Variants in SLC2A5 observed in about 807,000 individuals in gnomAD.
SLC2A5 encodes the protein solute carrier family 2, facilitated glucose transporter member 5.
A neutral mutation model predicts 50.3 loss-of-function variants in SLC2A5; 56 were observed. The observed-to-expected ratio is 1.11, with a 90% CI of 0.90 to 1.39. SLC2A5 has a LOEUF of 1.39. SLC2A5 is among the 40% of genes most tolerant of loss of function. The probability of loss-of-function intolerance (pLI) is 0.00; values close to 1 mark genes in which losing one functional copy is unlikely to be tolerated. For missense variants in SLC2A5, 566 were observed against 650.1 expected, an observed-to-expected ratio of 0.87 and a Z score of 1.41; for synonymous variants, 269 against 281.9, an observed-to-expected ratio of 0.95 and a Z score of 0.46.
In SLC2A5 at chr1:9,063,796, C is replaced by T. The variant is rs1210300322; in HGVS notation, c.34-5546G>A. On this transcript the variant is annotated intron_variant, in intron 1 of 11. Coordinates refer to ENST00000377424, the MANE Select transcript of SLC2A5 (RefSeq NM_003039.3). ...CTGCAAGCTCCGCCTCCCGGGTTCACGCCATTCTCCTGCCTCAGCCTCCCG... is the reference window on the plus strand; with the variant it reads ...CTGCAAGCTCCGCCTCCCGGGTTCATGCCATTCTCCTGCCTCAGCCTCCCG... 1.4e-4 allele frequency among the ~76,000 whole-genome samples: 19 copies of T among 134,076 alleles called. 1 individual carries two copies. Among genetic ancestry groups the T allele is most frequent in the African/African-American group, 5.4e-4 (18 of 33,256 alleles). The allele number at this position is 134,076 out of a possible 152,430, so 88.0% of individuals were successfully genotyped here.
At chr1:9,068,952 CT>C (rs1258217359) in intron 1 of SLC2A5, among the ~76,000 whole-genome samples, 2 of 152,184 alleles carry the variant, frequency 1.3e-5, no homozygotes, top group African/African-American at 4.8e-5. Flanking sequence ...AGAAAGTAAA[CT>C]GCAATTACGT....
chr1:9,054,429 A>G (rs963924549), intron 3 of SLC2A5, among the ~76,000 whole-genome samples: 1 of 152,210 alleles, frequency 6.6e-6, no homozygotes, highest in Non-Finnish European at 1.5e-5. Flanking sequence ...GCCAGTCAGA[A>G]TCTTTCTTCC....
chr1:9,090,416 A>C (rs185241881), upstream of SLC2A5, among the ~76,000 whole-genome samples: 1 of 152,136 alleles, frequency 6.6e-6, no homozygotes, highest in Admixed American at 6.5e-5. Flanking sequence ...GATTACGGGG[A>C]CTCAAGCCCA....
intron 1 of SLC2A5, among the ~76,000 whole-genome samples, chr1:9,059,132 CTTTCTTTTTTTT>C (rs1344858460): frequency 0.013 from 1,011 of 80,356 alleles, 23 homozygotes; most frequent in African/African-American, 0.053. Flanking sequence ...AGCCGCCTTT[CTTTCTTTTTTTT>C]TTTTTTTTTT....
chr1:9,068,189 C>CAAAAAAAAAAAAA lies in SLC2A5; in HGVS notation c.33+1302_33+1314dup, dbSNP rs755203801. Among the ~76,000 whole-genome samples the CAAAAAAAAAAAAA allele has an allele frequency of 1.3e-3, 104 of 77,068 alleles. 3 individuals are homozygous for CAAAAAAAAAAAAA. Among genetic ancestry groups the CAAAAAAAAAAAAA allele is most frequent in the African/African-American group, 4.7e-3 (97 of 20,480 alleles). 50.6% of individuals were successfully genotyped at this position (77,068 alleles called of 152,430 possible). ...TGGGTGACAGAGCAAGACTCTGTGT[C>CAAAAAAAAAAAAA]AAAAAAAAAAAAAAAAAAAAGCGAG... On this transcript the variant is annotated intron_variant, in intron 1 of 11. Transcript: ENST00000377424.
At chr1:9,042,530 G>GGTGT (rs141094729) in intron 4 of SLC2A5, among the ~76,000 whole-genome samples, 75 of 147,168 alleles carry the variant, frequency 5.1e-4, no homozygotes, top group African/African-American at 1.8e-3. Context: ...GACATGGCCT[G>GGTGT]GTGTGTGTGT....
intron 1 of SLC2A5, among the ~76,000 whole-genome samples, chr1:9,087,911 T>G (rs758067049): frequency 1.4e-4 from 22 of 152,110 alleles, no homozygotes; most frequent in Non-Finnish European, 2.4e-4. Flanking sequence ...AACTGGAACA[T>G]CCAACATTTG....
chr1:9,076,883 G>C (rs1642289437), intron 2 of SLC2A5, among the ~76,000 whole-genome samples: 1 of 151,278 alleles, frequency 6.6e-6, no homozygotes, highest in Admixed American at 6.6e-5. Flanking sequence ...TCCGTCTCCC[G>C]GGTTCAAGCG....
chr1:9,090,152 CA>C (rs1642447939), upstream of SLC2A5, among the ~76,000 whole-genome samples: 1 of 152,124 alleles, frequency 6.6e-6, no homozygotes, highest in South Asian at 2.1e-4. Flanking sequence ...ACATTCTACA[CA>C]AACTAGGGGG....
At chr1:9,060,013 C>A (rs1247896032) in intron 1 of SLC2A5, among the ~76,000 whole-genome samples, 1 of 127,558 alleles carries the variant, frequency 7.8e-6, no homozygotes, top group Admixed American at 8.1e-5. Flanking sequence ...CACACACACA[C>A]TACACACACA....
chr1:9,078,106 G>A (rs1048752184), intron 2 of SLC2A5, among the ~76,000 whole-genome samples: 2 of 152,132 alleles, frequency 1.3e-5, no homozygotes, highest in Non-Finnish European at 2.9e-5. Context: ...GGCTCCTCCC[G>A]CTTTTAGGCC....
chr1:9,070,072 G>GTTTTTTTTTTTTTTT (rs56828280), upstream of SLC2A5, among the ~76,000 whole-genome samples: 10 of 62,516 alleles, frequency 1.6e-4, 2 homozygotes, highest in African/African-American at 8.8e-4. Context: ...CTCATTTTCT[G>GTTTTTTTTTTTTTTT]TTTTTTTTTT....
chr1:9,082,105 G>A (rs1642361874), intron 2 of SLC2A5, among the ~76,000 whole-genome samples: 1 of 152,036 alleles, frequency 6.6e-6, no homozygotes, highest in Non-Finnish European at 1.5e-5. Flanking sequence ...TAAAACGAAT[G>A]TTGTTTAGAA....
chr1:9,092,996 T>G (rs940193362), upstream of SLC2A5, among the ~76,000 whole-genome samples: 2 of 152,164 alleles, frequency 1.3e-5, no homozygotes, highest in Non-Finnish European at 2.9e-5. Context: ...TTTGTACTCA[T>G]GTATAGGAGA....
rs537572078 is a variant in SLC2A5, at chr1:9,075,940, C to T, written c.-58-6346G>A. Among the ~76,000 whole-genome samples the T allele has an allele frequency of 2.0e-5, 3 of 151,258 alleles. No individual in the cohort carries two copies. In the East Asian group the frequency reaches 5.8e-4, roughly 29 times the overall value. ...CCTCCCAAAGTGCTGGGATTACAGG[C>T]GTGAGCCACCGCGCCCGGCATTTTT... On this transcript the variant is annotated intron_variant, in intron 2 of 5. Coordinates refer to the SLC2A5 transcript ENST00000464985.
intron 2 of SLC2A5, among the ~76,000 whole-genome samples, chr1:9,084,725 C>T (rs950818356): frequency 6.6e-6 from 1 of 152,218 alleles, no homozygotes; most frequent in Non-Finnish European, 1.5e-5. Context: ...GGCAGCCACA[C>T]CATGTGAGCA....
intron 1 of SLC2A5, among the ~76,000 whole-genome samples, chr1:9,086,485 T>C (rs1315032400): frequency 6.6e-6 from 1 of 151,780 alleles, no homozygotes; most frequent in Non-Finnish European, 1.5e-5. Context: ...GCCTCCCAGG[T>C]TCAAGTGATT....
In SLC2A5 at chr1:9,037,727, G is replaced by A; in HGVS notation, c.1365C>T (p.Tyr455=). ...TGGTCTCCGGGACAATCAAGAAGAT[G>A]TAGATGGTGGTGAGGAGGCAGATCA... ...FAVICLLTTI[Y]IFLIVPETKA... Residue 455 remains tyrosine (Y), a synonymous_variant, in exon 12 of 12, where the codon TAC becomes TAT. Coordinates refer to ENST00000377424, the MANE Select transcript of SLC2A5 (RefSeq NM_003039.3). 3.7e-6 allele frequency: 6 copies of A among 1,614,198 alleles called. No individual in the cohort carries two copies. Among genetic ancestry groups the A allele is most frequent in the Admixed American group, 1.7e-5 (1 of 60,032 alleles).
At position 9,040,155 on chromosome 1, in the gene SLC2A5, G is replaced by T; in HGVS notation, c.606C>A (p.Pro202=). Residue 202 remains proline, a synonymous_variant, in exon 6 of 12, where the codon CCC becomes CCA. Coordinates refer to ENST00000377424, the MANE Select transcript of SLC2A5 (RefSeq NM_003039.3). The surrounding 1 kb of genome is among the most constrained non-coding windows in gnomAD (Gnocchi z 4.3). Reference sequence around the variant, plus strand: ...GCAGCAGAAGGAGCTGCAGCGCCGCGGGGACCCCGGTCAGCCCCAGCAGGA... The same window carrying T: ...GCAGCAGAAGGAGCTGCAGCGCCGCTGGGACCCCGGTCAGCCCCAGCAGGA... The part of the protein sequence containing the change: ...WPILLGLTGV[P]AALQLLLLPF... The T allele has an allele frequency of 6.4e-7, 1 of 1,561,886 alleles. No individual in the cohort carries two copies.
Sources: allele counts gnomAD v4.1 joint callset (sites outside exome capture counted in the v4.1 genomes callset), GRCh38; gene constraint gnomAD v4.1.1; non-coding constraint Gnocchi (gnomAD v3.1); transcripts MANE v1.5; gene names NCBI Gene and HGNC (gene_info 2026-07-23, HGNC 2026-07-21).